EFCAB11: variants seen among roughly 807,000 people sequenced by gnomAD.
The protein encoded by EFCAB11 is EF-hand calcium binding domain 11.
A neutral mutation model predicts 23.0 loss-of-function variants in EFCAB11; 14 were observed. The observed-to-expected ratio is 0.61, with a 90% CI of 0.40 to 0.95. The LOEUF (loss-of-function observed/expected upper bound fraction) is 0.95. EFCAB11 is among the 40% of genes least tolerant of loss of function. The probability of loss-of-function intolerance (pLI) is 0.00; values close to 1 mark genes in which losing one functional copy is unlikely to be tolerated. For missense variants in EFCAB11, 198 were observed against 195.8 expected, an observed-to-expected ratio of 1.01 and a Z score of -0.07; for synonymous variants, 65 against 66.6, an observed-to-expected ratio of 0.98 and a Z score of 0.11.
At chr14:89,842,597 AATATGATATGATATGATATG>A (rs72285203) in intron 5 of EFCAB11, among the ~76,000 whole-genome samples, 3 of 70,730 alleles carry the variant, frequency 4.2e-5, no homozygotes, top group Non-Finnish European at 1.1e-4. Flanking sequence ...AATATGATAT[AATATGATATGATATGATATG>A]ATATGATATG....
chr14:89,907,571 T>A (rs1374859524), intron 5 of EFCAB11, among the ~76,000 whole-genome samples: 1 of 152,234 alleles, frequency 6.6e-6, no homozygotes, highest in East Asian at 1.9e-4. Flanking sequence ...TATTTTTTAC[T>A]ATGAAAATTT....
chr14:89,948,671 A>T (rs1891059456), intron 3 of EFCAB11, among the ~76,000 whole-genome samples: 1 of 152,216 alleles, frequency 6.6e-6, no homozygotes, highest in Non-Finnish European at 1.5e-5. Flanking sequence ...AAAGAATGAG[A>T]TCCTGTCATT....
intron 5 of EFCAB11, among the ~76,000 whole-genome samples, chr14:89,897,762 T>G (rs1244545196): frequency 2.0e-5 from 3 of 152,216 alleles, no homozygotes; most frequent in African/African-American, 7.2e-5. Flanking sequence ...TACAATCTGA[T>G]TCATAGTATT....
At chr14:89,940,688 T>C (rs1175579855) in intron 3 of EFCAB11, among the ~76,000 whole-genome samples, 2 of 152,220 alleles carry the variant, frequency 1.3e-5, no homozygotes, top group African/African-American at 2.4e-5. Flanking sequence ...AAAATGGCAA[T>C]AGTATAAGGA....
intron 5 of EFCAB11, among the ~76,000 whole-genome samples, chr14:89,845,860 G>A: frequency 6.6e-6 from 1 of 152,176 alleles, no homozygotes; most frequent in South Asian, 2.1e-4. Flanking sequence ...CAGGGTGGCT[G>A]CTTTCCTCTT....
intron 5 of EFCAB11, among the ~76,000 whole-genome samples, chr14:89,827,432 C>G (rs570741215): frequency 2.6e-5 from 4 of 152,084 alleles, no homozygotes; most frequent in African/African-American, 9.7e-5. Flanking sequence ...CTTCTCTGGC[C>G]GCCCGGTAGC....
intron 5 of EFCAB11, among the ~76,000 whole-genome samples, chr14:89,924,958 A>C (rs1890143132): frequency 6.6e-6 from 1 of 152,266 alleles, no homozygotes; most frequent in African/African-American, 2.4e-5. Context: ...TAAGTCCATA[A>C]ACTCAAAGAA....
intron 5 of EFCAB11, among the ~76,000 whole-genome samples, chr14:89,885,213 T>C (rs1279223745): frequency 6.6e-6 from 1 of 152,206 alleles, no homozygotes; most frequent in Non-Finnish European, 1.5e-5. Context: ...AATTATCTGA[T>C]AAAATATGTG....
At chr14:89,861,813 G>GC (rs141553103) in intron 5 of EFCAB11, among the ~76,000 whole-genome samples, 2,028 of 152,236 alleles carry the variant, frequency 0.013, 49 homozygotes, top group African/African-American at 0.045. Flanking sequence ...TTATGATGCA[G>GC]CAAGATGGTC....
chr14:89,842,014 G>A (rs1195012351), intron 5 of EFCAB11, among the ~76,000 whole-genome samples: 1 of 152,120 alleles, frequency 6.6e-6, no homozygotes, highest in Non-Finnish European at 1.5e-5. Flanking sequence ...CGCCGCCTGT[G>A]TTCCCTCTGC....
chr14:89,904,786 G>A (rs2140207547), intron 5 of EFCAB11, among the ~76,000 whole-genome samples: 1 of 152,320 alleles, frequency 6.6e-6, no homozygotes, highest in South Asian at 2.1e-4. Context: ...TTTGAGAAGT[G>A]TCTGTTCATA....
At chr14:89,903,123 A>T (rs546452161) in intron 5 of EFCAB11, among the ~76,000 whole-genome samples, 2 of 152,372 alleles carry the variant, frequency 1.3e-5, no homozygotes, top group East Asian at 3.9e-4. Context: ...TGTCTAGTAG[A>T]ATTTGAATAA....
intron 5 of EFCAB11, among the ~76,000 whole-genome samples, chr14:89,915,288 G>A (rs1369840368): frequency 6.6e-6 from 1 of 152,194 alleles, no homozygotes; most frequent in African/African-American, 2.4e-5. Context: ...TATTCTGCTG[G>A]TCACCAGAGG....
intron 5 of EFCAB11, among the ~76,000 whole-genome samples, chr14:89,843,935 A>G (rs955528356): frequency 1.1e-4 from 16 of 152,242 alleles, no homozygotes; most frequent in African/African-American, 3.6e-4. Flanking sequence ...TTCACTTGAA[A>G]GCTTGAATTT....
chr14:89,953,832 C>G, intron 2 of EFCAB11, 74 bp downstream of exon 2: 1 of 1,236,788 alleles, frequency 8.1e-7, no homozygotes, highest in Non-Finnish European at 1.2e-6. Flanking sequence ...CCTAAGCTAG[C>G]CCTGTGAACT....
At position 89,797,231 on chromosome 14, in the gene EFCAB11, A is replaced by G; in HGVS notation, c.*12T>C. 10 of 1,610,708 alleles carry G rather than the reference A, an allele frequency of 6.2e-6. No homozygotes were observed. Among genetic ancestry groups the G allele is most frequent in the Non-Finnish European group, 8.5e-6 (10 of 1,177,664 alleles). Reference sequence around the variant, plus strand: ...TGATCTCCCCAGAGTTACCAAAAGTAGTTCACAATAGTTAGGCTTCCTTCT... The same window carrying G: ...TGATCTCCCCAGAGTTACCAAAAGTGGTTCACAATAGTTAGGCTTCCTTCT... On this transcript the variant is annotated 3_prime_UTR_variant, in exon 6 of 6. Coordinates refer to ENST00000316738, the MANE Select transcript of EFCAB11 (RefSeq NM_145231.4).
intron 5 of EFCAB11, among the ~76,000 whole-genome samples, chr14:89,901,031 C>A (rs1889322331): frequency 6.6e-6 from 1 of 152,172 alleles, no homozygotes; most frequent in Non-Finnish European, 1.5e-5. Context: ...TAGTGTAAAT[C>A]AGACACTCTG....
At chr14:89,871,466 C>T (rs1382419040) in intron 5 of EFCAB11, among the ~76,000 whole-genome samples, 2 of 152,104 alleles carry the variant, frequency 1.3e-5, no homozygotes, top group South Asian at 2.1e-4. Flanking sequence ...AGTCTTCCTG[C>T]CTGGAGGAGA....
chr14:89,888,392 T>A lies in EFCAB11; in HGVS notation c.410+43149A>T, dbSNP rs368696081. Among the ~76,000 whole-genome samples the A allele has an allele frequency of 8.5e-5, 13 of 152,320 alleles. No homozygotes were observed. The East Asian group carries it at 1.9e-3, about 23-fold the overall frequency. Reference sequence around the variant, plus strand: ...TTAGATGGCTTATGGTTCTGCAGGCTTTACAGGAAGCATGGCGTTGGCATC... The same window carrying A: ...TTAGATGGCTTATGGTTCTGCAGGCATTACAGGAAGCATGGCGTTGGCATC... On this transcript the variant is annotated intron_variant, in intron 5 of 5. Transcript: ENST00000316738.
Sources: allele counts gnomAD v4.1 joint callset (sites outside exome capture counted in the v4.1 genomes callset), GRCh38; gene constraint gnomAD v4.1.1; transcripts MANE v1.5; gene names NCBI Gene and HGNC (gene_info 2026-07-23, HGNC 2026-07-21).